GHR: variants seen among roughly 807,000 people sequenced by gnomAD.
GHR encodes growth hormone receptor.
GHR carries 35 observed loss-of-function variants against 67.1 expected under a neutral mutation model. The observed-to-expected ratio is 0.52, with a 90% CI of 0.40 to 0.69. The LOEUF (loss-of-function observed/expected upper bound fraction) is 0.69, where lower values mean the gene tolerates loss of function less well. Ranked by LOEUF, GHR falls within the 30% of genes least tolerant of loss-of-function variation. The pLI, the probability that GHR is intolerant of heterozygous loss-of-function variation, is 0.00. For missense variants in GHR, 792 were observed against 764.6 expected (o/e 1.04, Z -0.42); for synonymous variants, 272 against 269.1 (o/e 1.01, Z -0.10).
chr5:42,474,225 A>C (rs1259592798), intron 1 of GHR, among the ~76,000 whole-genome samples: 1 of 148,796 alleles, frequency 6.7e-6, no homozygotes, highest in African/African-American at 2.5e-5. Context: ...GAGAGAGAGA[A>C]AGAAAAAGAA....
intron 1 of GHR, among the ~76,000 whole-genome samples, chr5:42,442,584 G>A (rs1169125759): frequency 6.6e-6 from 1 of 152,196 alleles, no homozygotes; most frequent in Non-Finnish European, 1.5e-5. Context: ...TGTAATCAAA[G>A]TGGTTGATTA....
intron 3 of GHR, among the ~76,000 whole-genome samples, chr5:42,667,367 A>G (rs1253684896): frequency 6.6e-6 from 1 of 151,996 alleles, no homozygotes. Flanking sequence ...ACTAATCCTT[A>G]TTTGGTTTGT....
rs149615372 is a variant in GHR, at chr5:42,430,437, C to CA, written c.-12+6485dup. Among the ~76,000 whole-genome samples the CA allele has an allele frequency of 8.4e-3, 1,274 of 152,220 alleles. 51 individuals are homozygous for CA. In the East Asian group the frequency reaches 0.11, roughly 13 times the overall value. The stretch of plus-strand genomic sequence containing the variant: ...TTTTTCAGCAAGTCTGAATGTGAAA[C>CA]AAATGGCTATGTTTCTTGGTGCAGT... On this transcript the variant is annotated intron_variant, in intron 1 of 9. Coordinates refer to ENST00000230882, the MANE Select transcript of GHR (RefSeq NM_000163.5).
rs79299137 is a variant in GHR at position 42,472,574 on chromosome 5, A to T, written c.-12+48619A>T. On this transcript the variant is annotated intron_variant, in intron 1 of 9. Transcript: ENST00000230882. Reference sequence around the variant, plus strand: ...TAGATGCCTAAGTGGAACATGGTGTATAGCCCATAAGAATTTGAAGGATTG... The same window carrying T: ...TAGATGCCTAAGTGGAACATGGTGTTTAGCCCATAAGAATTTGAAGGATTG... Among the ~76,000 whole-genome samples the T allele has an allele frequency of 8.4e-3, 1,275 of 152,344 alleles. 51 individuals are homozygous for T. The East Asian group carries it at 0.11, about 13-fold the overall frequency.
chr5:42,631,234 G>A (rs1344069848), intron 3 of GHR, among the ~76,000 whole-genome samples: 1 of 152,140 alleles, frequency 6.6e-6, no homozygotes, highest in East Asian at 1.9e-4. Flanking sequence ...GGCATATGTT[G>A]ATTTCCTGTC....
chr5:42,611,647 G>A (rs1353841946), intron 2 of GHR, among the ~76,000 whole-genome samples: 1 of 152,148 alleles, frequency 6.6e-6, no homozygotes, highest in Non-Finnish European at 1.5e-5. Context: ...TACAAATCAT[G>A]TGACAGTGTC....
At chr5:42,465,979 T>A in intron 1 of GHR, 1 of 647,460 alleles carries the variant, frequency 1.5e-6, no homozygotes. Context: ...GTTGAGCAGG[T>A]CTTCTTCCAA....
intron 2 of GHR, among the ~76,000 whole-genome samples, chr5:42,600,409 T>G (rs1752314294): frequency 6.6e-6 from 1 of 152,192 alleles, no homozygotes; most frequent in Non-Finnish European, 1.5e-5. Context: ...GAATGCCCTT[T>G]TATATTTGTT....
intron 1 of GHR, among the ~76,000 whole-genome samples, chr5:42,425,286 C>G (rs1742804599): frequency 6.6e-6 from 1 of 152,134 alleles, no homozygotes; most frequent in African/African-American, 2.4e-5. Flanking sequence ...CAGGGTGCTG[C>G]TGTCCACAGT....
At chr5:42,540,340 G>C (rs967098007) in intron 1 of GHR, among the ~76,000 whole-genome samples, 1 of 151,906 alleles carries the variant, frequency 6.6e-6, no homozygotes, top group Non-Finnish European at 1.5e-5. Context: ...AAATGCAAAG[G>C]TTTTATTTCA....
chr5:42,704,510 T>C (rs919847438), intron 6 of GHR, among the ~76,000 whole-genome samples: 2 of 152,032 alleles, frequency 1.3e-5, no homozygotes, highest in African/African-American at 4.8e-5. Context: ...TAGCCCATAA[T>C]TTTCTTTTCT....
At chr5:42,625,154 C>A (rs182033528) in intron 2 of GHR, among the ~76,000 whole-genome samples, 1,585 of 152,176 alleles carry the variant, frequency 0.01, 15 homozygotes, top group South Asian at 0.021. Context: ...AAAAGCGGCT[C>A]AGGGGCAGGT....
chr5:42,475,892 T>A (rs1413173453), intron 1 of GHR, among the ~76,000 whole-genome samples: 1 of 151,006 alleles, frequency 6.6e-6, no homozygotes, highest in African/African-American at 2.4e-5. Flanking sequence ...ATACATCAGA[T>A]TCATCAGATT....
rs1758946811 is a variant in GHR at position 42,720,081 on chromosome 5, A to G, written c.*657A>G. On this transcript the variant is annotated 3_prime_UTR_variant, in exon 10 of 10. Coordinates refer to ENST00000230882, the MANE Select transcript of GHR (RefSeq NM_000163.5). ...GCAACTACAGTCTAAAGCTGGTTTA[A>G]TGTTTTGGCCAATGCACCTAAAGAA... 6.5e-6 allele frequency: 1 copy of G among 152,978 alleles called. No homozygotes were observed. The highest frequency in any genetic ancestry group is 1.5e-5 in the Non-Finnish European group (1 of 68,652). 9.5% of individuals were successfully genotyped at this position (152,978 alleles called of 1,614,324 possible). A position where few individuals can be genotyped will look rare whatever the true frequency, so the allele number is the denominator to read the frequency against.
rs60262603 is a variant in GHR, at chr5:42,548,214, G to A, written c.-11-17650G>A. ...GATTTAATTTACTCCTCTGGTACCA[G>A]ATATGTGTGTGTGTGCATGAGAGAG... On this transcript the variant is annotated intron_variant, in intron 1 of 9. Transcript: ENST00000230882. 2.3e-4 allele frequency: 227 copies of A among 984,330 alleles called. 1 individual carries two copies. In the African/African-American group the frequency reaches 3.7e-3, roughly 16 times the overall value. 61.0% of individuals were successfully genotyped at this position (984,330 alleles called of 1,614,324 possible).
chr5:42,554,133 C>T (rs1056577121), intron 1 of GHR, among the ~76,000 whole-genome samples: 3 of 152,168 alleles, frequency 2.0e-5, no homozygotes, highest in African/African-American at 4.8e-5. Context: ...TATCAATACT[C>T]AGTCCCTATC....
chr5:42,439,804 T>A (rs913948724), intron 1 of GHR, among the ~76,000 whole-genome samples: 2 of 152,240 alleles, frequency 1.3e-5, no homozygotes, highest in Non-Finnish European at 2.9e-5. Flanking sequence ...TAGTTCTTGT[T>A]TAGTATTCAG....
chr5:42,683,712 G>A (rs1757000591), intron 3 of GHR, among the ~76,000 whole-genome samples: 2 of 152,162 alleles, frequency 1.3e-5, no homozygotes, highest in Admixed American at 1.3e-4. Flanking sequence ...AGGGAAGAAA[G>A]GAAGGGAAAG....
intron 3 of GHR, among the ~76,000 whole-genome samples, chr5:42,645,202 T>G (rs1284620539): frequency 6.6e-6 from 1 of 152,178 alleles, no homozygotes; most frequent in African/African-American, 2.4e-5. Flanking sequence ...AAAATAAATG[T>G]CTTAGAATTT....
Sources: allele counts gnomAD v4.1 joint callset (sites outside exome capture counted in the v4.1 genomes callset), GRCh38; gene constraint gnomAD v4.1.1; transcripts MANE v1.5; gene names NCBI Gene and HGNC (gene_info 2026-07-23, HGNC 2026-07-21).